The following HEPHL1 variants were observed in gnomAD, a reference collection of about 807,000 sequenced individuals.
HEPHL1 encodes the protein hephaestin like 1, also known as ferroxidase HEPHL1.
A neutral mutation model predicts 122.0 loss-of-function variants in HEPHL1; 123 were observed. That is an observed-to-expected ratio of 1.01 (90% CI 0.87 to 1.17). HEPHL1 has a LOEUF of 1.17. Among genes scored for constraint, HEPHL1 ranks in the 50% most tolerant of loss-of-function variants. The pLI is 0.00. For missense variants in HEPHL1, 1,452 were observed against 1,430.5 expected, an observed-to-expected ratio of 1.01 and a Z score of -0.24; for synonymous variants, 527 against 508.9, an observed-to-expected ratio of 1.04 and a Z score of -0.48.
intron 2 of HEPHL1, among the ~76,000 whole-genome samples, chr11:94,053,436 T>C (rs1945908672): frequency 6.6e-6 from 1 of 152,158 alleles, no homozygotes; most frequent in South Asian, 2.1e-4. Flanking sequence ...TTGTATTTTT[T>C]TTCTGTTTTC....
chr11:94,039,133 C>T lies in HEPHL1; in HGVS notation c.171-6540C>T, dbSNP rs1377798159. On this transcript the variant is annotated intron_variant, in intron 1 of 19. Coordinates refer to ENST00000315765, the MANE Select transcript of HEPHL1 (RefSeq NM_001098672.2). ...TCAAAAGAGACAAAGAAGGCCATTA[C>T]ATAATGGTAAAGGGATCAATTCAAC... Among the ~76,000 whole-genome samples, 17 of 95,398 alleles carry T rather than the reference C, an allele frequency of 1.8e-4. No homozygotes were observed. The East Asian group carries it at 2.1e-3, about 12-fold the overall frequency. The allele number at this position is 95,398 out of a possible 152,430, so 62.6% of individuals were successfully genotyped here.
chr11:94,038,210 TG>T (rs1371368712), intron 1 of HEPHL1, among the ~76,000 whole-genome samples: 1 of 151,088 alleles, frequency 6.6e-6, no homozygotes, highest in African/African-American at 2.4e-5. Context: ...CCAAGAAATA[TG>T]GGACTATGTG....
chr11:94,069,302 A>T (rs1427560122), intron 5 of HEPHL1, among the ~76,000 whole-genome samples: 6 of 152,140 alleles, frequency 3.9e-5, no homozygotes, highest in African/African-American at 1.4e-4. Flanking sequence ...TTTTTAACAA[A>T]TAGAGACAGG....
chr11:94,089,242 A>T (rs1946244865), intron 12 of HEPHL1, among the ~76,000 whole-genome samples: 1 of 152,132 alleles, frequency 6.6e-6, no homozygotes, highest in South Asian at 2.1e-4. Context: ...AGGCTGAGGG[A>T]AAGAGGCAGA....
intron 2 of HEPHL1, among the ~76,000 whole-genome samples, chr11:94,046,768 A>G (rs2087888680): frequency 6.6e-6 from 1 of 151,924 alleles, no homozygotes; most frequent in South Asian, 2.1e-4. Flanking sequence ...ACTTTCTTAG[A>G]CTTTTGAGAC....
intron 12 of HEPHL1, among the ~76,000 whole-genome samples, chr11:94,091,313 C>T (rs1281078226): frequency 1.3e-5 from 2 of 152,162 alleles, no homozygotes; most frequent in East Asian, 3.9e-4. Flanking sequence ...TACTGACTCA[C>T]ATGACCCTCA....
At chr11:94,099,685 T>C (rs1450319217) in intron 13 of HEPHL1, among the ~76,000 whole-genome samples, 1 of 152,162 alleles carries the variant, frequency 6.6e-6, no homozygotes, top group Non-Finnish European at 1.5e-5. Flanking sequence ...CCAGCCGCTT[T>C]GTTTACCTAC....
intron 18 of HEPHL1, 60 bp downstream of exon 18, chr11:94,111,125 A>G: frequency 6.9e-7 from 1 of 1,441,976 alleles, no homozygotes. Flanking sequence ...GACCCCCAAA[A>G]CAGGAGGCAT....
Position 94,113,036 on chromosome 11 carries a change from G to C in HEPHL1, c.*1142G>C, listed in dbSNP as rs1040418502. 2 of 152,144 alleles carry C rather than the reference G, an allele frequency of 1.3e-5. No homozygotes were observed. Among genetic ancestry groups the C allele is most frequent in the African/African-American group, 4.8e-5 (2 of 41,428 alleles). The allele number at this position is 152,144 out of a possible 1,614,324, so 9.4% of individuals were successfully genotyped here. On this transcript the variant is annotated 3_prime_UTR_variant, in exon 20 of 20. Transcript: ENST00000315765. ...AGGTGAGAAAAAGATAATCTTGGTGGCAGATTCTCTTAAACCATTAAACCA... is the reference window on the plus strand; with the variant it reads ...AGGTGAGAAAAAGATAATCTTGGTGCCAGATTCTCTTAAACCATTAAACCA...
intron 4 of HEPHL1, among the ~76,000 whole-genome samples, chr11:94,066,573 G>A (rs1046218204): frequency 4.0e-5 from 6 of 151,896 alleles, no homozygotes; most frequent in Non-Finnish European, 2.9e-5. Flanking sequence ...AAAAAAGAGA[G>A]AGAGACTGGA....
At chr11:94,068,027 T>C (rs1003209330) in intron 5 of HEPHL1, among the ~76,000 whole-genome samples, 5 of 152,172 alleles carry the variant, frequency 3.3e-5, no homozygotes, top group African/African-American at 1.2e-4. Context: ...AGTTAGACAT[T>C]CACAAAATGA....
intron 2 of HEPHL1, among the ~76,000 whole-genome samples, chr11:94,060,141 T>C (rs1278172056): frequency 2.3e-4 from 11 of 48,356 alleles, no homozygotes; most frequent in African/African-American, 7.4e-4. Flanking sequence ...TATATATATA[T>C]ATATATATAC....
chr11:94,046,181 G>T (rs747432028), intron 2 of HEPHL1, among the ~76,000 whole-genome samples: 2 of 126,988 alleles, frequency 1.6e-5, no homozygotes, highest in Non-Finnish European at 1.6e-5. Flanking sequence ...TGCAACCTCC[G>T]TCTCCCTGGT....
Position 94,027,294 on chromosome 11 carries a change from G to A in HEPHL1, c.170+5756G>A, listed in dbSNP as rs140005864. On this transcript the variant is annotated intron_variant, in intron 1 of 19. Coordinates refer to ENST00000315765, the MANE Select transcript of HEPHL1 (RefSeq NM_001098672.2). ...TCCTTAACTTAATCACATCTGCAAA[G>A]ACCCATTTTTCCAATAAGTTTCTGT... is the stretch of plus-strand genomic sequence containing the variant. Among the ~76,000 whole-genome samples the A allele has an allele frequency of 8.1e-3, 1,229 of 152,246 alleles. 7 individuals carry two copies. Among genetic ancestry groups the A allele is most frequent in the Middle Eastern group, 0.02 (6 of 294 alleles).
intron 1 of HEPHL1, among the ~76,000 whole-genome samples, chr11:94,034,496 G>C (rs958310106): frequency 1.3e-5 from 2 of 152,068 alleles, no homozygotes; most frequent in African/African-American, 4.8e-5. Flanking sequence ...TTATCTTTTT[G>C]ATCTATAGTG....
chr11:94,102,871 CA>C, intron 14 of HEPHL1, 42 bp from the exon 15 acceptor site: 1 of 968,996 alleles, frequency 1.0e-6, no homozygotes, highest in Middle Eastern at 2.1e-4. Flanking sequence ...TCATCTGAAA[CA>C]CAGATAATTC....
Position 94,085,887 on chromosome 11 carries a change from C to T in HEPHL1, c.1868-90C>T, listed in dbSNP as rs1001205284. On this transcript the variant is annotated intron_variant, in intron 10 of 19. Coordinates refer to ENST00000315765, the MANE Select transcript of HEPHL1 (RefSeq NM_001098672.2). ...CCTGGTACTGTTTATTCTCTGAAAA[C>T]AAGGATCTTTTGTAAACAGTTTACA... is the stretch of plus-strand genomic sequence containing the variant. 7.6e-6 allele frequency: 7 copies of T among 920,550 alleles called. No homozygotes were observed. The Admixed American group carries it at 1.0e-4, about 14-fold the overall frequency. 57.0% of individuals were successfully genotyped at this position (920,550 alleles called of 1,614,324 possible). A position where few individuals can be genotyped will look rare whatever the true frequency, so the allele number is the denominator to read the frequency against.
chr11:94,104,343 A>G (rs1946392204), intron 15 of HEPHL1, among the ~76,000 whole-genome samples, 185 bp from the exon 16 acceptor site: 1 of 152,320 alleles, frequency 6.6e-6, no homozygotes, highest in Admixed American at 6.5e-5. Flanking sequence ...ATACGGGAGT[A>G]TAAAGATTAC....
chr11:94,098,134 G>T (rs899214752), intron 13 of HEPHL1, among the ~76,000 whole-genome samples: 2 of 152,198 alleles, frequency 1.3e-5, no homozygotes, highest in African/African-American at 2.4e-5. Flanking sequence ...AATTTGGCAT[G>T]TTTTTGCAGT....
Sources: gnomAD v4.1 joint callset for allele counts (sites outside exome capture counted in the v4.1 genomes callset) on GRCh38, gnomAD v4.1.1 for gene constraint, MANE v1.5 for transcripts, NCBI Gene and HGNC (gene_info 2026-07-23, HGNC 2026-07-21) for gene names.